SOX5: variants seen among roughly 807,000 people sequenced by gnomAD.
SOX5 encodes the protein SRY-box transcription factor 5.
In SOX5, 9 loss-of-function variants were observed where a neutral mutation model predicts 92.0. The ratio of observed to expected loss-of-function variants is 0.10; its 90% CI spans 0.06 to 0.17. SOX5 has a LOEUF of 0.17. Ranked by LOEUF, SOX5 falls within the 10% of genes least tolerant of loss-of-function variation. The pLI is 1.00. For missense variants in SOX5, 642 were observed against 944.5 expected (o/e 0.68, Z 4.20); for synonymous variants, 344 against 336.3 (o/e 1.02, Z -0.25).
In SOX5 at chr12:23,531,868, C is replaced by G. The variant is rs78220832; in HGVS notation, c.*2351G>C. 1 of 150,498 alleles carries G rather than the reference C, an allele frequency of 6.6e-6. No individual in the cohort carries two copies. Among genetic ancestry groups the G allele is most frequent in the South Asian group, 2.1e-4 (1 of 4,790 alleles). The allele number at this position is 150,498 out of a possible 1,614,324, so 9.3% of individuals were successfully genotyped here. Reference sequence around the variant, plus strand: ...AAATTCTTAAAAAAGAGAAAACTTACGGAAAGAGAAGTAAAATTGTGGGTA... The same window carrying G: ...AAATTCTTAAAAAAGAGAAAACTTAGGGAAAGAGAAGTAAAATTGTGGGTA... On this transcript the variant is annotated 3_prime_UTR_variant, in exon 15 of 15. Transcript: ENST00000451604.
chr12:23,905,977 A>C (rs1024124900), intron 1 of SOX5, among the ~76,000 whole-genome samples: 1 of 152,184 alleles, frequency 6.6e-6, no homozygotes, highest in Admixed American at 6.5e-5. Context: ...TAATCATCAA[A>C]GATTCTACAT....
intron 2 of SOX5, among the ~76,000 whole-genome samples, chr12:24,333,851 TAAAA>T (rs5797076): frequency 5.1e-5 from 7 of 138,496 alleles, no homozygotes; most frequent in Non-Finnish European, 7.8e-5. Context: ...TTCACCAAGT[TAAAA>T]AAAAAAAAAA....
chr12:23,549,791 C>T (rs1316371585), intron 11 of SOX5, among the ~76,000 whole-genome samples: 1 of 151,892 alleles, frequency 6.6e-6, no homozygotes, highest in Non-Finnish European at 1.5e-5. Context: ...CTTTACAACT[C>T]TGCAGGTTTG....
chr12:23,995,106 C>T (rs917358709), intron 4 of SOX5, among the ~76,000 whole-genome samples: 24 of 152,128 alleles, frequency 1.6e-4, no homozygotes, highest in African/African-American at 5.8e-4. Flanking sequence ...TTATATGCTC[C>T]AAAATGAACA....
chr12:24,098,773 C>A (rs1483829548), intron 4 of SOX5, among the ~76,000 whole-genome samples: 3 of 152,094 alleles, frequency 2.0e-5, no homozygotes, highest in Non-Finnish European at 4.4e-5. Flanking sequence ...AGCTCCTGAA[C>A]ACATACTTAC....
intron 2 of SOX5, among the ~76,000 whole-genome samples, chr12:24,337,139 C>T (rs1169214897): frequency 1.3e-5 from 2 of 152,062 alleles, no homozygotes; most frequent in Non-Finnish European, 2.9e-5. Flanking sequence ...ACTATGTATT[C>T]TTGGAAAAAT....
chr12:24,421,582 C>G (rs1272095616), intron 1 of SOX5, among the ~76,000 whole-genome samples: 1 of 152,136 alleles, frequency 6.6e-6, no homozygotes, highest in Non-Finnish European at 1.5e-5. Flanking sequence ...ATTAATATCT[C>G]TCTTGGGGAT....
At chr12:23,604,676 C>T in intron 8 of SOX5, 143 bp from the exon 9 acceptor site, 1 of 732,516 alleles carries the variant, frequency 1.4e-6, no homozygotes, top group Admixed American at 2.9e-5. Context: ...AAGAAAGAAG[C>T]TGTCACCTCA....
intron 4 of SOX5, among the ~76,000 whole-genome samples, chr12:24,026,779 T>C (rs1424307152): frequency 6.6e-6 from 1 of 151,964 alleles, no homozygotes; most frequent in Non-Finnish European, 1.5e-5. Flanking sequence ...CGGAAGCCAC[T>C]GAGGGAATTG....
chr12:24,348,285 A>C (rs1353613056), intron 2 of SOX5, among the ~76,000 whole-genome samples: 2 of 152,034 alleles, frequency 1.3e-5, no homozygotes, highest in Non-Finnish European at 2.9e-5. Flanking sequence ...TTGTATGTCT[A>C]CTGGTCCTTC....
At chr12:23,542,874 A>G (rs1030005329) in intron 13 of SOX5, among the ~76,000 whole-genome samples, 2 of 152,246 alleles carry the variant, frequency 1.3e-5, no homozygotes, top group Non-Finnish European at 2.9e-5. Context: ...ATGCAAGGAA[A>G]TGAATACAAA....
At chr12:24,015,131 C>T (rs1458800279) in intron 4 of SOX5, among the ~76,000 whole-genome samples, 1 of 151,694 alleles carries the variant, frequency 6.6e-6, no homozygotes, top group Non-Finnish European at 1.5e-5. Flanking sequence ...CCTTTTTTCC[C>T]CCTCTAAACA....
intron 4 of SOX5, among the ~76,000 whole-genome samples, chr12:24,072,212 AAAG>A (rs1425949289): frequency 6.6e-6 from 1 of 152,222 alleles, no homozygotes; most frequent in African/African-American, 2.4e-5. Flanking sequence ...GAAGGGGAAA[AAAG>A]AAGAAATATA....
At chr12:23,992,201 G>A (rs1441289796) in intron 4 of SOX5, among the ~76,000 whole-genome samples, 1 of 152,000 alleles carries the variant, frequency 6.6e-6, no homozygotes, top group Non-Finnish European at 1.5e-5. Context: ...ACCCTTAAAG[G>A]AAGTTGGTCT....
intron 4 of SOX5, among the ~76,000 whole-genome samples, chr12:23,742,444 C>T (rs1233064056): frequency 6.6e-6 from 1 of 151,976 alleles, no homozygotes; most frequent in African/African-American, 2.4e-5. Flanking sequence ...ATTTGGATTC[C>T]ATCAGAATGA....
At chr12:24,076,180 C>T (rs1264225798) in intron 4 of SOX5, among the ~76,000 whole-genome samples, 1 of 152,094 alleles carries the variant, frequency 6.6e-6, no homozygotes, top group African/African-American at 2.4e-5. Context: ...TATTATCTCT[C>T]TAAACATATA....
intron 2 of SOX5, among the ~76,000 whole-genome samples, chr12:24,324,772 T>C (rs186394742): frequency 6.6e-6 from 1 of 152,070 alleles, no homozygotes; most frequent in African/African-American, 2.4e-5. Flanking sequence ...ACCTACCTCA[T>C]AGGGTTATCA....
chr12:23,801,989 G>T lies in SOX5; in HGVS notation c.481+43994C>A, dbSNP rs868650203. 4.6e-5 allele frequency among the ~76,000 whole-genome samples: 7 copies of T among 152,246 alleles called. No homozygotes were observed. In the Middle Eastern group the frequency reaches 0.014, roughly 296 times the overall value. The stretch of plus-strand genomic sequence containing the variant: ...ATATGAAAGTCTTTTTCTGGGAAAT[G>T]CATGCTACAATTATAGAATAAAATT... On this transcript the variant is annotated intron_variant, in intron 3 of 14. Coordinates refer to ENST00000451604, the MANE Select transcript of SOX5 (RefSeq NM_006940.6).
chr12:24,513,718 T>C (rs542575262), intron 1 of SOX5, among the ~76,000 whole-genome samples: 28 of 152,186 alleles, frequency 1.8e-4, no homozygotes, highest in Non-Finnish European at 3.8e-4. Flanking sequence ...AATATCCCAC[T>C]CATATGCATA....
Sources: gnomAD v4.1 joint callset for allele counts (sites outside exome capture counted in the v4.1 genomes callset) on GRCh38, gnomAD v4.1.1 for gene constraint, MANE v1.5 for transcripts, NCBI Gene and HGNC (gene_info 2026-07-23, HGNC 2026-07-21) for gene names.